The following CSTPP1 variants were observed in gnomAD, a reference collection of about 807,000 sequenced individuals.
CSTPP1 encodes UPF0705 protein C11orf49.
At chr11:47,014,335 A>C in the CSTPP1 span, among the ~76,000 whole-genome samples, 3 of 151,530 alleles carry the variant, frequency 2.0e-5, no homozygotes, top group African/African-American at 7.3e-5. Flanking sequence ...AGAGAGAAAG[A>C]AACAGAAAAG....
chr11:47,163,089 T>C, the CSTPP1 span, among the ~76,000 whole-genome samples: 2 of 151,478 alleles, frequency 1.3e-5, no homozygotes, highest in Non-Finnish European at 2.9e-5. Flanking sequence ...GGTAGATCAC[T>C]TGAACCCAGG....
At chr11:46,996,366 C>A in the CSTPP1 span, among the ~76,000 whole-genome samples, 1 of 151,302 alleles carries the variant, frequency 6.6e-6, no homozygotes, top group East Asian at 1.9e-4. Flanking sequence ...TGCAGTGGTG[C>A]AATCTCGACT....
At chr11:47,161,596 G>C in the CSTPP1 span, 14 of 1,614,030 alleles carry the variant, frequency 8.7e-6, no homozygotes, top group Non-Finnish European at 1.2e-5. Flanking sequence ...TGGATGGAGA[G>C]AGTGATGGCT....
chr11:47,111,975 C>T, the CSTPP1 span, among the ~76,000 whole-genome samples: 3 of 152,100 alleles, frequency 2.0e-5, no homozygotes, highest in Non-Finnish European at 4.4e-5. Context: ...AACCTCATCT[C>T]TTCTTCCTTT....
the CSTPP1 span, among the ~76,000 whole-genome samples, chr11:47,020,423 T>A: frequency 6.6e-6 from 1 of 152,190 alleles, no homozygotes; most frequent in Non-Finnish European, 1.5e-5. Flanking sequence ...AACCCTTTAA[T>A]TTGCTAAAGA....
chr11:46,959,888 A>G, the CSTPP1 span, among the ~76,000 whole-genome samples: 5 of 128,820 alleles, frequency 3.9e-5, no homozygotes, highest in Admixed American at 1.6e-4. Flanking sequence ...TTTTTTTGAG[A>G]TGGAGTCTTT....
chr11:46,949,228 G>A, the CSTPP1 span, among the ~76,000 whole-genome samples: 1 of 152,254 alleles, frequency 6.6e-6, no homozygotes, highest in Non-Finnish European at 1.5e-5. Context: ...ATTAATATAC[G>A]TCTAGTATCT....
the CSTPP1 span, chr11:47,157,234 G>GCAGCCCC: frequency 6.5e-7 from 1 of 1,544,400 alleles, no homozygotes; most frequent in South Asian, 1.3e-5. Flanking sequence ...GAACGGGCAT[G>GCAGCCCC]CAGCCCCCAG....
the CSTPP1 span, among the ~76,000 whole-genome samples, chr11:47,050,883 T>TA: frequency 6.6e-6 from 1 of 152,240 alleles, no homozygotes; most frequent in African/African-American, 2.4e-5. Context: ...CAGGGTGTCT[T>TA]AGAAGTAGAT....
the CSTPP1 span, among the ~76,000 whole-genome samples, chr11:47,025,226 A>G: frequency 6.6e-6 from 1 of 152,330 alleles, no homozygotes; most frequent in Admixed American, 6.5e-5. Context: ...ATAAACTACA[A>G]TTATTTTCTA....
chr11:47,064,276 CT>C, the CSTPP1 span, among the ~76,000 whole-genome samples: 31 of 151,238 alleles, frequency 2.0e-4, no homozygotes, highest in South Asian at 8.3e-4. Flanking sequence ...CATCTTTTCA[CT>C]TTTTTTTTAT....
At chr11:47,098,778 A>T in the CSTPP1 span, among the ~76,000 whole-genome samples, 280 of 152,142 alleles carry the variant, frequency 1.8e-3, 3 homozygotes, top group African/African-American at 6.6e-3. Context: ...ATTTTAAACA[A>T]TTTTCCATAA....
the CSTPP1 span, among the ~76,000 whole-genome samples, chr11:47,142,068 C>A: frequency 4.6e-5 from 7 of 150,914 alleles, no homozygotes; most frequent in African/African-American, 1.7e-4. Context: ...CATGGTGAAA[C>A]CCCATCTCTA....
At chr11:47,059,892 T>C in the CSTPP1 span, among the ~76,000 whole-genome samples, 1 of 151,976 alleles carries the variant, frequency 6.6e-6, no homozygotes, top group Non-Finnish European at 1.5e-5. Flanking sequence ...ATCCTTGAGG[T>C]CAGAAGTTTG....
At chr11:47,030,237 A>C in the CSTPP1 span, among the ~76,000 whole-genome samples, 1 of 152,208 alleles carries the variant, frequency 6.6e-6, no homozygotes, top group Non-Finnish European at 1.5e-5. Flanking sequence ...AAAGAAAAAA[A>C]GGAGACAGGA....
At chr11:46,970,870 G>A in the CSTPP1 span, among the ~76,000 whole-genome samples, 1 of 152,086 alleles carries the variant, frequency 6.6e-6, no homozygotes. Context: ...CAATCCACAT[G>A]CCCATCAATA....
At chr11:47,032,687 T>C in the CSTPP1 span, among the ~76,000 whole-genome samples, 1 of 152,196 alleles carries the variant, frequency 6.6e-6, no homozygotes, top group Non-Finnish European at 1.5e-5. Flanking sequence ...TTATTCATGA[T>C]AGCTTAAAAA....
chr11:46,973,755 C>T, the CSTPP1 span, among the ~76,000 whole-genome samples: 66 of 149,474 alleles, frequency 4.4e-4, 2 homozygotes, highest in South Asian at 0.014. Context: ...TGACCATGAA[C>T]CCAGGTATGT....
the CSTPP1 span, among the ~76,000 whole-genome samples, chr11:47,016,511 A>G: frequency 7.2e-5 from 11 of 152,178 alleles, no homozygotes; most frequent in African/African-American, 2.4e-4. Flanking sequence ...ACAATTGGAA[A>G]TTTAAATTTT....
Sources: allele counts gnomAD v4.1 joint callset (sites outside exome capture counted in the v4.1 genomes callset), GRCh38; gene constraint gnomAD v4.1.1; transcripts MANE v1.5; gene names NCBI Gene and HGNC (gene_info 2026-07-23, HGNC 2026-07-21).